The following FBXL14 variants were observed in gnomAD, a reference collection of about 807,000 sequenced individuals.
FBXL14 encodes the protein F-box/LRR-repeat protein 14.
Under a neutral mutation model 24.5 loss-of-function variants are expected in FBXL14, and 11 were observed. The ratio of observed to expected loss-of-function variants is 0.45; its 90% confidence interval spans 0.28 to 0.74. FBXL14 has a LOEUF of 0.74. Ranked by LOEUF, FBXL14 falls within the 30% of genes least tolerant of loss-of-function variation. The pLI is 0.12. For synonymous variants in FBXL14, 294 were observed against 240.4 expected (o/e 1.22, Z -2.06); for missense variants, 384 against 545.6 (o/e 0.70, Z 2.95).
rs991210994 is a variant in FBXL14, at chr12:1,579,567, C to T, written c.1195-12757G>A. Among the ~76,000 whole-genome samples the T allele has an allele frequency of 2.0e-5, 3 of 148,830 alleles. No homozygotes were observed. Among genetic ancestry groups the T allele is most frequent in the African/African-American group, 5.0e-5 (2 of 40,086 alleles). Reference sequence around the variant, plus strand: ...GTGGGAGGTTGCAGTGAGCCGAGATCGCACCATTGCACTCCAGTCTCGGTG... The same window carrying T: ...GTGGGAGGTTGCAGTGAGCCGAGATTGCACCATTGCACTCCAGTCTCGGTG... On this transcript the variant is annotated intron_variant, in intron 1 of 1. Coordinates refer to ENST00000339235, the MANE Select transcript of FBXL14 (RefSeq NM_152441.3). This position sits in a 1 kb window ranked among gnomAD's most constrained non-coding sequence, Gnocchi z 4.3.
At chr12:1,575,153 TAAAC>T (rs2094453417) in intron 1 of FBXL14, among the ~76,000 whole-genome samples, 1 of 152,080 alleles carries the variant, frequency 6.6e-6, no homozygotes, top group Non-Finnish European at 1.5e-5. Flanking sequence ...TATGGACAGA[TAAAC>T]AAAACCCCAA....
At chr12:1,580,229 G>T (rs58866846) in intron 1 of FBXL14, among the ~76,000 whole-genome samples, 1 of 152,122 alleles carries the variant, frequency 6.6e-6, no homozygotes, top group African/African-American at 2.4e-5. Context: ...CCAATCTTGC[G>T]GTGTATGGAC....
rs1048881886 is a variant in FBXL14 at position 1,567,479 on chromosome 12, G to A, written c.1195-669C>T. Among the ~76,000 whole-genome samples the A allele has an allele frequency of 3.3e-5, 5 of 151,950 alleles. No homozygotes were observed. The East Asian group carries it at 9.7e-4, about 29-fold the overall frequency. ...GTACTGCAGCCTGGGCGACAGAGTG[G>A]TACTCTGTCTCAAAAATAATAATAA... On this transcript the variant is annotated intron_variant, in intron 1 of 1. Coordinates refer to ENST00000339235, the MANE Select transcript of FBXL14 (RefSeq NM_152441.3). This position sits in a 1 kb window ranked among gnomAD's most constrained non-coding sequence, Gnocchi z 4.8.
At chr12:1,577,846 TA>T (rs1185246189) in intron 1 of FBXL14, among the ~76,000 whole-genome samples, 1 of 152,082 alleles carries the variant, frequency 6.6e-6, no homozygotes, top group African/African-American at 2.4e-5. Flanking sequence ...CAACAAAGGC[TA>T]AACATATTTG....
At chr12:1,570,683 A>C (rs138600887) in intron 1 of FBXL14, among the ~76,000 whole-genome samples, 2 of 152,176 alleles carry the variant, frequency 1.3e-5, no homozygotes, top group African/African-American at 4.8e-5. Flanking sequence ...TTAAGGACTA[A>C]GTGAGCAAAG....
At chr12:1,576,860 AT>A (rs531780651) in intron 1 of FBXL14, among the ~76,000 whole-genome samples, 1 of 152,196 alleles carries the variant, frequency 6.6e-6, no homozygotes, top group Non-Finnish European at 1.5e-5. Context: ...ACTAATTTGT[AT>A]TTTTTTAAAG....
Position 1,569,065 on chromosome 12 carries a change from T to G in FBXL14, c.1195-2255A>C, listed in dbSNP as rs1165456323. On this transcript the variant is annotated intron_variant, in intron 1 of 1. Coordinates refer to ENST00000339235, the MANE Select transcript of FBXL14 (RefSeq NM_152441.3). The surrounding 1 kb of genome is among the most constrained non-coding windows in gnomAD (Gnocchi z 4.2). ...AATTATAATCTCACAAGTATTTTCA[T>G]AGGATTGAGATATAAAGAATATATT... Among the ~76,000 whole-genome samples, 4 of 152,200 alleles carry G rather than the reference T, an allele frequency of 2.6e-5. No individual in the cohort carries two copies. In the East Asian group the frequency reaches 7.7e-4, roughly 29 times the overall value.
rs559144044 is a variant in FBXL14 at position 1,579,475 on chromosome 12, G to C, written c.1195-12665C>G. Reference sequence around the variant, plus strand: ...CTACTAAAACACAAAAATTAGCCGGGCATGATGGCGCACACCTGTAATCCC... The same window carrying C: ...CTACTAAAACACAAAAATTAGCCGGCCATGATGGCGCACACCTGTAATCCC... On this transcript the variant is annotated intron_variant, in intron 1 of 1. Coordinates refer to ENST00000339235, the MANE Select transcript of FBXL14 (RefSeq NM_152441.3). The surrounding 1 kb of genome is among the most constrained non-coding windows in gnomAD (Gnocchi z 4.3). 3.4e-4 allele frequency among the ~76,000 whole-genome samples: 52 copies of C among 152,018 alleles called. No homozygotes were observed. Among genetic ancestry groups the C allele is most frequent in the African/African-American group, 1.2e-3 (50 of 41,450 alleles).
chr12:1,566,511 C>T lies in FBXL14; in HGVS notation c.*237G>A. 2.2e-6 allele frequency: 1 copy of T among 446,386 alleles called. No individual in the cohort carries two copies. The highest frequency in any genetic ancestry group is 4.0e-6 in the Non-Finnish European group (1 of 252,418). 27.7% of individuals were successfully genotyped at this position (446,386 alleles called of 1,614,324 possible). On this transcript the variant is annotated 3_prime_UTR_variant, in exon 2 of 2. Coordinates refer to ENST00000339235, the MANE Select transcript of FBXL14 (RefSeq NM_152441.3). The stretch of plus-strand genomic sequence containing the variant: ...CTGAACAGACTGAAAAAGCAAGTCT[C>T]CTTGGATCCATAAAGGAAGCGAGGT...
intron 1 of FBXL14, among the ~76,000 whole-genome samples, chr12:1,576,851 C>T (rs571227523): frequency 6.6e-6 from 1 of 152,318 alleles, no homozygotes; most frequent in African/African-American, 2.4e-5. Context: ...TGAATCCACA[C>T]TAATTTGTAT....
At chr12:1,571,770 A>G (rs1186042867) in intron 1 of FBXL14, among the ~76,000 whole-genome samples, 2 of 152,200 alleles carry the variant, frequency 1.3e-5, no homozygotes, top group African/African-American at 4.8e-5. Flanking sequence ...GTCACTACTA[A>G]TAGCTCAGTC....
chr12:1,585,582 T>G (rs2094474930), intron 1 of FBXL14, among the ~76,000 whole-genome samples: 1 of 152,184 alleles, frequency 6.6e-6, no homozygotes, highest in African/African-American at 2.4e-5. Context: ...ATTAATGTGG[T>G]CTCAACTGTT....
rs2094444959 is a variant in FBXL14 at position 1,571,208 on chromosome 12, GTTTGT to G, written c.1195-4403_1195-4399del. 6.5e-4 allele frequency among the ~76,000 whole-genome samples: 98 copies of G among 151,034 alleles called. 1 individual carries two copies. Among genetic ancestry groups the G allele is most frequent in the African/African-American group, 2.3e-3 (96 of 41,286 alleles). On this transcript the variant is annotated intron_variant, in intron 1 of 1. Transcript: ENST00000339235. ...TTTTCTGGTGGGGTTTTTTTTGTTTGTTTGTTTTGTTTTTTTGAGACAGAGTTTTT... is the reference window on the plus strand; with the variant it reads ...TTTTCTGGTGGGGTTTTTTTTGTTTGTTTGTTTTTTTGAGACAGAGTTTTT...
At chr12:1,577,286 C>T (rs1208135821) in intron 1 of FBXL14, among the ~76,000 whole-genome samples, 1 of 152,192 alleles carries the variant, frequency 6.6e-6, no homozygotes, top group Non-Finnish European at 1.5e-5. Flanking sequence ...TGCCACCTCA[C>T]TGCTGTTGGA....
intron 1 of FBXL14, among the ~76,000 whole-genome samples, chr12:1,581,333 G>A (rs1213629906): frequency 6.6e-6 from 1 of 152,160 alleles, no homozygotes; most frequent in African/African-American, 2.4e-5. Context: ...ACTGAGCCAC[G>A]GGAACCTCCT....
chr12:1,571,517 C>T (rs1198099616), intron 1 of FBXL14, among the ~76,000 whole-genome samples: 3 of 152,156 alleles, frequency 2.0e-5, no homozygotes, highest in Non-Finnish European at 4.4e-5. Flanking sequence ...CAGTGTAAAA[C>T]ACTACTTTCT....
chr12:1,581,030 C>CT (rs1288460548), intron 1 of FBXL14, among the ~76,000 whole-genome samples: 1 of 152,184 alleles, frequency 6.6e-6, no homozygotes, highest in Non-Finnish European at 1.5e-5. Flanking sequence ...TTGATACCTG[C>CT]TTCAGTGTGT....
intron 1 of FBXL14, among the ~76,000 whole-genome samples, chr12:1,577,744 C>T (rs1057513182): frequency 3.3e-5 from 5 of 152,170 alleles, no homozygotes; most frequent in Non-Finnish European, 5.9e-5. Flanking sequence ...CTTCAGGTGA[C>T]CAGGCATGGA....
chr12:1,585,448 A>G (rs1312954546), intron 1 of FBXL14, among the ~76,000 whole-genome samples: 1 of 152,168 alleles, frequency 6.6e-6, no homozygotes, highest in African/African-American at 2.4e-5. Context: ...TGCTAGTTTG[A>G]GGCCAAGATT....
Sources: allele counts gnomAD v4.1 joint callset (sites outside exome capture counted in the v4.1 genomes callset), GRCh38; gene constraint gnomAD v4.1.1; non-coding constraint Gnocchi (gnomAD v3.1); transcripts MANE v1.5; gene names NCBI Gene and HGNC (gene_info 2026-07-23, HGNC 2026-07-21).